ARL15: variants seen among roughly 807,000 people sequenced by gnomAD.
ARL15 encodes the protein ADP-ribosylation factor-like protein 15.
A neutral mutation model predicts 25.2 loss-of-function variants in ARL15; 19 were observed. The observed-to-expected ratio is 0.75, with a 90% CI of 0.53 to 1.10. The LOEUF is 1.10. Ranked by LOEUF, ARL15 falls within the 50% of genes least tolerant of loss-of-function variation. The pLI is 0.00. For missense variants in ARL15, 220 were observed against 246.0 expected (o/e 0.89, Z 0.71); for synonymous variants, 94 against 86.8 (o/e 1.08, Z -0.46).
intron 1 of ARL15, among the ~76,000 whole-genome samples, chr5:54,271,837 C>G (rs946133286): frequency 1.3e-5 from 2 of 152,058 alleles, no homozygotes; most frequent in African/African-American, 2.4e-5. Context: ...AAGCAAAGAC[C>G]AAATCATCAC....
chr5:54,158,546 A>C (rs1038428435), intron 2 of ARL15, among the ~76,000 whole-genome samples: 1 of 152,230 alleles, frequency 6.6e-6, no homozygotes, highest in Non-Finnish European at 1.5e-5. Context: ...CTGCTATAAC[A>C]ATCCTAAAGT....
chr5:54,283,424 A>T (rs886684087), intron 1 of ARL15, among the ~76,000 whole-genome samples: 2 of 139,126 alleles, frequency 1.4e-5, no homozygotes, highest in African/African-American at 6.0e-5. Flanking sequence ...CTTAAACTCA[A>T]TCTAAACTTT....
At chr5:54,252,260 G>A (rs1004439130) in intron 1 of ARL15, among the ~76,000 whole-genome samples, 23 of 152,178 alleles carry the variant, frequency 1.5e-4, no homozygotes, top group African/African-American at 5.3e-4. Context: ...TGTTGATCTA[G>A]TAGTTAAGGT....
chr5:53,963,083 G>A (rs1056264251), intron 4 of ARL15, among the ~76,000 whole-genome samples: 2 of 152,120 alleles, frequency 1.3e-5, no homozygotes, highest in African/African-American at 4.8e-5. Flanking sequence ...TGAAAAAATA[G>A]AAAAGAATGT....
chr5:54,232,385 G>T (rs1307764235), intron 1 of ARL15, among the ~76,000 whole-genome samples: 1 of 152,238 alleles, frequency 6.6e-6, no homozygotes, highest in African/African-American at 2.4e-5. Flanking sequence ...TTCTCAAAAA[G>T]GTAGGCAGAA....
intron 4 of ARL15, among the ~76,000 whole-genome samples, chr5:53,904,660 T>C (rs532301421): frequency 6.6e-6 from 1 of 151,748 alleles, no homozygotes; most frequent in African/African-American, 2.4e-5. Context: ...CATATTCAGA[T>C]AAAAGGCCTT....
At chr5:54,012,809 C>T (rs893295677) in intron 4 of ARL15, among the ~76,000 whole-genome samples, 4 of 149,802 alleles carry the variant, frequency 2.7e-5, no homozygotes, top group African/African-American at 9.9e-5. Context: ...TAGGTGTGAG[C>T]CACCACGCTG....
At chr5:54,018,080 C>T (rs1749481608) in intron 4 of ARL15, among the ~76,000 whole-genome samples, 1 of 152,120 alleles carries the variant, frequency 6.6e-6, no homozygotes, top group South Asian at 2.1e-4. Context: ...GCACATTCCA[C>T]ATGTTCATCA....
rs183126203 is a variant in ARL15 at position 53,963,603 on chromosome 5, T to C, written c.463-76890A>G. ...CGGGTGCATCACCTGAGGTCAGGAG[T>C]TCAAGACCAGCCTGGCCAACATGGT... On this transcript the variant is annotated intron_variant, in intron 4 of 4. Coordinates refer to ENST00000504924, the MANE Select transcript of ARL15 (RefSeq NM_019087.3). Among the ~76,000 whole-genome samples, 745 of 151,034 alleles carry C rather than the reference T, an allele frequency of 4.9e-3. 2 individuals are homozygous for C. Among genetic ancestry groups the C allele is most frequent in the Admixed American group, 8.8e-3 (134 of 15,164 alleles).
At chr5:54,116,295 G>A (rs1329247770) in intron 3 of ARL15, among the ~76,000 whole-genome samples, 1 of 152,168 alleles carries the variant, frequency 6.6e-6, no homozygotes, top group Non-Finnish European at 1.5e-5. Context: ...GCAGCTGGGA[G>A]ATGGATGCAC....
At chr5:54,183,353 G>A (rs948306874) in intron 1 of ARL15, among the ~76,000 whole-genome samples, 3 of 129,494 alleles carry the variant, frequency 2.3e-5, no homozygotes, top group Non-Finnish European at 4.9e-5. Context: ...AGAGTCTTTA[G>A]CATGAAGGGT....
rs191727813 is a variant in ARL15 at position 53,961,257 on chromosome 5, G to A, written c.463-74544C>T. On this transcript the variant is annotated intron_variant, in intron 4 of 4. Transcript: ENST00000504924. Reference sequence around the variant, plus strand: ...AAAACAACAAAAAATTATTTCCTTGGGGGGCCAAGGTGGGTGGATCACCCG... The same window carrying A: ...AAAACAACAAAAAATTATTTCCTTGAGGGGCCAAGGTGGGTGGATCACCCG... Among the ~76,000 whole-genome samples, 664 of 151,980 alleles carry A rather than the reference G, an allele frequency of 4.4e-3. 7 individuals are homozygous for A. The highest frequency in any genetic ancestry group is 0.021 in the Middle Eastern group (6 of 292).
At position 54,263,894 on chromosome 5, in the gene ARL15, CCT is replaced by C. The variant is rs113240391; in HGVS notation, c.48+46536_48+46537del. On this transcript the variant is annotated intron_variant, in intron 1 of 4. Coordinates refer to ENST00000504924, the MANE Select transcript of ARL15 (RefSeq NM_019087.3). ...CCCAAATTACTCCTTCTATGTGTCC[CCT>C]GTCTCAGTTAAAAGCATTACCATCC... Among the ~76,000 whole-genome samples, 948 of 152,160 alleles carry C rather than the reference CCT, an allele frequency of 6.2e-3. 7 individuals carry two copies. Among genetic ancestry groups the C allele is most frequent in the African/African-American group, 0.022 (905 of 41,498 alleles).
At position 53,951,074 on chromosome 5, in the gene ARL15, A is replaced by G. The variant is rs554631255; in HGVS notation, c.463-64361T>C. Among the ~76,000 whole-genome samples the G allele has an allele frequency of 1.1e-4, 17 of 152,358 alleles. 1 individual carries two copies. The highest frequency in any genetic ancestry group is 1.0e-3 in the Admixed American group (16 of 15,308). ...GGAAAAAAATCAAAACAATATTAGC[A>G]TATTAAGAACATAAAAATTAGATGA... On this transcript the variant is annotated intron_variant, in intron 4 of 4. Transcript: ENST00000504924.
At chr5:53,972,898 G>A (rs1365129136) in intron 4 of ARL15, among the ~76,000 whole-genome samples, 1 of 152,142 alleles carries the variant, frequency 6.6e-6, no homozygotes, top group East Asian at 1.9e-4. Context: ...GTGATTTCAA[G>A]TTTAATACTA....
At position 54,004,515 on chromosome 5, in the gene ARL15, C is replaced by T. The variant is rs10461568; in HGVS notation, c.462+108687G>A. 5.7e-4 allele frequency among the ~76,000 whole-genome samples: 83 copies of T among 146,018 alleles called. 1 individual carries two copies. The East Asian group carries it at 0.014, about 25-fold the overall frequency. Reference sequence around the variant, plus strand: ...GTCTCAAAAAAAAAAAAAAAAAATTCTCACCATGCTATAGATGAGGAAGCT... The same window carrying T: ...GTCTCAAAAAAAAAAAAAAAAAATTTTCACCATGCTATAGATGAGGAAGCT... On this transcript the variant is annotated intron_variant, in intron 4 of 4. Coordinates refer to ENST00000504924, the MANE Select transcript of ARL15 (RefSeq NM_019087.3).
At chr5:54,229,571 T>C (rs1212424366) in intron 1 of ARL15, among the ~76,000 whole-genome samples, 1 of 152,222 alleles carries the variant, frequency 6.6e-6, no homozygotes, top group Non-Finnish European at 1.5e-5. Flanking sequence ...ACCAAGATCT[T>C]AGCTTGAGAT....
intron 4 of ARL15, among the ~76,000 whole-genome samples, chr5:54,084,535 G>A (rs758650679): frequency 6.6e-6 from 1 of 151,826 alleles, no homozygotes; most frequent in Non-Finnish European, 1.5e-5. Context: ...TCTCCTCAAC[G>A]CTGCCCCTCG....
At chr5:53,937,310 C>CACAA (rs920774859) in intron 4 of ARL15, among the ~76,000 whole-genome samples, 1 of 152,126 alleles carries the variant, frequency 6.6e-6, no homozygotes. Context: ...CACACACACA[C>CACAA]ACACACAGCC....
Sources: gnomAD v4.1 joint callset for allele counts (sites outside exome capture counted in the v4.1 genomes callset) on GRCh38, gnomAD v4.1.1 for gene constraint, MANE v1.5 for transcripts, NCBI Gene and HGNC (gene_info 2026-07-23, HGNC 2026-07-21) for gene names.